The following SPPL3 variants were observed in gnomAD, a reference collection of about 807,000 sequenced individuals.
SPPL3 encodes the protein signal peptide peptidase-like 3.
A neutral mutation model predicts 42.4 loss-of-function variants in SPPL3; 5 were observed. The ratio of observed to expected loss-of-function variants is 0.12; its 90% confidence interval spans 0.06 to 0.25. The LOEUF (loss-of-function observed/expected upper bound fraction) is 0.25, where lower values mean the gene tolerates loss of function less well. Ranked by LOEUF, SPPL3 falls within the 10% of genes least tolerant of loss-of-function variation. The pLI is 1.00. For synonymous variants in SPPL3, 195 were observed against 181.8 expected (o/e 1.07, Z -0.58); for missense variants, 235 against 489.0 (o/e 0.48, Z 4.90).
chr12:120,821,883 G>A (rs868001379), intron 1 of SPPL3, among the ~76,000 whole-genome samples: 3 of 152,058 alleles, frequency 2.0e-5, no homozygotes, highest in South Asian at 4.2e-4. Context: ...ATAAATTGTG[G>A]TACAGCCATC....
chr12:120,894,088 C>T (rs1200268210), intron 1 of SPPL3, among the ~76,000 whole-genome samples: 3 of 152,142 alleles, frequency 2.0e-5, no homozygotes, highest in Non-Finnish European at 4.4e-5. Context: ...CTTGGCGAGG[C>T]TGAGGCAGGC....
At chr12:120,819,248 A>G (rs1053576337) in intron 1 of SPPL3, among the ~76,000 whole-genome samples, 69 of 144,662 alleles carry the variant, frequency 4.8e-4, no homozygotes, top group Admixed American at 1.9e-3. Flanking sequence ...ATATTACATT[A>G]AAATCCACTG....
chr12:120,903,973 C>CTTGT lies in SPPL3; in HGVS notation c.-107_-106insACAA. 1 of 996,920 alleles carries CTTGT rather than the reference C, an allele frequency of 1.0e-6. No individual in the cohort carries two copies. Among genetic ancestry groups the CTTGT allele is most frequent in the Non-Finnish European group, 1.3e-6 (1 of 772,182 alleles). 61.8% of individuals were successfully genotyped at this position (996,920 alleles called of 1,614,324 possible). ...GCGGCCGGGGTCCGGTGCTTGCTTG[C>CTTGT]TTGCTCGCTCGCTGGCTCGCTGGCT... On this transcript the variant is annotated 5_prime_UTR_variant, in exon 1 of 11. Transcript: ENST00000353487.
At chr12:120,809,197 T>C (rs1870601010) in intron 2 of SPPL3, among the ~76,000 whole-genome samples, 1 of 152,072 alleles carries the variant, frequency 6.6e-6, no homozygotes, top group South Asian at 2.1e-4. Context: ...TACAAAAAAT[T>C]AGCCAGGCGT....
At chr12:120,801,420 G>C (rs572068865) in intron 2 of SPPL3, among the ~76,000 whole-genome samples, 10 of 150,940 alleles carry the variant, frequency 6.6e-5, no homozygotes, top group African/African-American at 2.5e-4. Context: ...TCAGCCATCT[G>C]GCCATTTTTT....
intron 3 of SPPL3, among the ~76,000 whole-genome samples, chr12:120,784,914 TG>T (rs1334279361): frequency 6.6e-6 from 1 of 151,628 alleles, no homozygotes; most frequent in Non-Finnish European, 1.5e-5. Context: ...TTAGTCCATT[TG>T]GGTAAATTTG....
chr12:120,780,588 A>AG (rs1867740562), intron 6 of SPPL3, among the ~76,000 whole-genome samples: 1 of 65,002 alleles, frequency 1.5e-5, no homozygotes, highest in South Asian at 6.9e-4. Flanking sequence ...GTCTCTATTT[A>AG]AAAAAAAAAA....
intron 1 of SPPL3, among the ~76,000 whole-genome samples, chr12:120,858,893 T>A (rs184741206): frequency 1.3e-5 from 2 of 152,190 alleles, no homozygotes; most frequent in South Asian, 4.1e-4. Context: ...AACTATGAAG[T>A]GAAACTGCAG....
chr12:120,767,087 G>C (rs979639655), intron 9 of SPPL3, among the ~76,000 whole-genome samples: 3 of 152,146 alleles, frequency 2.0e-5, no homozygotes, highest in African/African-American at 7.2e-5. Context: ...AAATAAATAC[G>C]ACAGTCATTC....
rs1868828997 is a variant in SPPL3, at chr12:120,765,010, G to C, written c.1144C>G (p.Leu382Val). 1.2e-6 allele frequency: 2 copies of C among 1,613,734 alleles called. No individual in the cohort carries two copies. The highest frequency in any genetic ancestry group is 1.3e-5 in the African/African-American group (1 of 74,882). Residue 382 changes from leucine to valine, a missense_variant, in exon 11 of 11, where the codon CTG becomes GTG. By Grantham distance (32) the Leu-to-Val change is conservative. Transcript: ENST00000353487. ...TTCCACGTGATCCATCATACTTCCA[G>C]GAATCGGGAGCTGCTGGACTTGGAG... ...FHSKSSSSRF[L>V]EV
intron 1 of SPPL3, among the ~76,000 whole-genome samples, chr12:120,839,497 T>G (rs988456440): frequency 6.6e-6 from 1 of 151,964 alleles, no homozygotes; most frequent in African/African-American, 2.4e-5. Flanking sequence ...ACCCTAAAAC[T>G]TAAAGTATAA....
chr12:120,879,407 A>C (rs1222773493), intron 1 of SPPL3, among the ~76,000 whole-genome samples: 3 of 152,114 alleles, frequency 2.0e-5, no homozygotes, highest in African/African-American at 7.3e-5. Context: ...TGAAACAAGA[A>C]AATAGAATGC....
intron 1 of SPPL3, among the ~76,000 whole-genome samples, chr12:120,886,523 G>C (rs530909819): frequency 4.1e-4 from 62 of 152,206 alleles, no homozygotes; most frequent in African/African-American, 1.5e-3. Context: ...AGGACCAAAC[G>C]ATAACAGTTC....
intron 1 of SPPL3, among the ~76,000 whole-genome samples, chr12:120,876,950 GAT>G (rs1257974426): frequency 2.0e-5 from 3 of 151,388 alleles, no homozygotes; most frequent in Non-Finnish European, 4.4e-5. Flanking sequence ...TCTTTGAAAA[GAT>G]AAAATCATCT....
chr12:120,893,998 A>C (rs769875038), intron 1 of SPPL3, among the ~76,000 whole-genome samples: 1 of 152,224 alleles, frequency 6.6e-6, no homozygotes, highest in Non-Finnish European at 1.5e-5. Flanking sequence ...CTTTACTTCT[A>C]AAAGTAGTAT....
chr12:120,844,736 T>C (rs1247766915), intron 1 of SPPL3, among the ~76,000 whole-genome samples: 2 of 152,000 alleles, frequency 1.3e-5, no homozygotes, highest in East Asian at 1.9e-4. Context: ...ACCACCAAAA[T>C]GGATCTCAAC....
At chr12:120,811,153 T>C (rs1188826969) in intron 1 of SPPL3, 2 of 272,892 alleles carry the variant, frequency 7.3e-6, no homozygotes, top group Non-Finnish European at 1.4e-5. Flanking sequence ...TCTCTGTATA[T>C]GTTTACAACA....
chr12:120,790,607 C>G (rs6489780), intron 3 of SPPL3, among the ~76,000 whole-genome samples: 29,527 of 152,104 alleles, frequency 0.19, 4,507 homozygotes, highest in African/African-American at 0.41. Context: ...CCCACCTTCT[C>G]TTGTAAAGAA....
intron 1 of SPPL3, among the ~76,000 whole-genome samples, chr12:120,897,134 T>G (rs1873832368): frequency 6.6e-6 from 1 of 152,196 alleles, no homozygotes; most frequent in African/African-American, 2.4e-5. Flanking sequence ...TTATATAGAA[T>G]GACACATCAC....
Sources: allele counts gnomAD v4.1 joint callset (sites outside exome capture counted in the v4.1 genomes callset), GRCh38; gene constraint gnomAD v4.1.1; transcripts MANE v1.5; gene names NCBI Gene and HGNC (gene_info 2026-07-23, HGNC 2026-07-21).